CNTN5: variants seen among roughly 807,000 people sequenced by gnomAD.
CNTN5 encodes the protein contactin 5.
In CNTN5, 77 loss-of-function variants were observed where a neutral mutation model predicts 129.1. The observed-to-expected ratio is 0.60, with a 90% CI of 0.50 to 0.72. CNTN5 has a LOEUF of 0.72. Among genes scored for constraint, CNTN5 ranks in the 30% least tolerant of loss-of-function variants. The pLI is 0.00. For missense variants in CNTN5, 1,478 were observed against 1,328.8 expected (o/e 1.11, Z -1.75); for synonymous variants, 509 against 465.6 (o/e 1.09, Z -1.20).
intron 1 of CNTN5, among the ~76,000 whole-genome samples, chr11:99,260,996 T>C (rs556254571): frequency 1.3e-5 from 2 of 152,082 alleles, no homozygotes; most frequent in South Asian, 4.1e-4. Context: ...TCAGTATTTA[T>C]AGATAAACTT....
chr11:99,784,592 C>G (rs1489685232), intron 3 of CNTN5, among the ~76,000 whole-genome samples: 1 of 151,962 alleles, frequency 6.6e-6, no homozygotes, highest in African/African-American at 2.4e-5. Context: ...TATACCCAGT[C>G]ATAGGATTGC....
chr11:99,978,734 T>G (rs1233556617), intron 8 of CNTN5, among the ~76,000 whole-genome samples: 3 of 152,210 alleles, frequency 2.0e-5, no homozygotes, highest in Non-Finnish European at 4.4e-5. Flanking sequence ...CGAAATTGCC[T>G]AATGTCGCAT....
intron 21 of CNTN5, chr11:100,337,144 A>C: frequency 1.4e-6 from 2 of 1,419,400 alleles, no homozygotes; most frequent in Non-Finnish European, 2.0e-6. Context: ...AGATGACATG[A>C]CAGCTGCACC....
intron 2 of CNTN5, among the ~76,000 whole-genome samples, chr11:99,435,834 G>T (rs1229798672): frequency 6.6e-6 from 1 of 152,142 alleles, no homozygotes; most frequent in Non-Finnish European, 1.5e-5. Context: ...CATATTTGTG[G>T]CATGGCCATG....
At chr11:99,347,706 C>G (rs1246544087) in intron 2 of CNTN5, among the ~76,000 whole-genome samples, 2 of 152,098 alleles carry the variant, frequency 1.3e-5, no homozygotes, top group African/African-American at 4.8e-5. Context: ...TTTTTGGTAA[C>G]TAAATGACAA....
At chr11:99,320,761 A>C (rs752788051) in intron 1 of CNTN5, among the ~76,000 whole-genome samples, 8 of 152,234 alleles carry the variant, frequency 5.3e-5, no homozygotes, top group Non-Finnish European at 1.0e-4. Context: ...AGGTTAAGAC[A>C]GTGTGATGGC....
intron 3 of CNTN5, among the ~76,000 whole-genome samples, chr11:99,561,515 A>G (rs562632140): frequency 1.6e-4 from 25 of 152,330 alleles, no homozygotes; most frequent in South Asian, 6.2e-4. Flanking sequence ...TTCGCTGTGC[A>G]TACTGACTTG....
At chr11:100,267,516 G>T (rs568485670) in intron 17 of CNTN5, among the ~76,000 whole-genome samples, 1 of 152,064 alleles carries the variant, frequency 6.6e-6, no homozygotes, top group African/African-American at 2.4e-5. Context: ...ATGCCTTACC[G>T]AGAAGGTATA....
intron 6 of CNTN5, among the ~76,000 whole-genome samples, chr11:99,886,659 A>G (rs1027392696): frequency 6.6e-6 from 1 of 152,200 alleles, no homozygotes; most frequent in African/African-American, 2.4e-5. Flanking sequence ...CAAAAATACT[A>G]GTAATGACGC....
intron 13 of CNTN5, among the ~76,000 whole-genome samples, chr11:100,078,848 C>T (rs981538317): frequency 6.6e-6 from 1 of 151,912 alleles, no homozygotes; most frequent in Non-Finnish European, 1.5e-5. Flanking sequence ...ATGATGGTAT[C>T]TGTATCAAGC....
chr11:99,903,483 T>C lies in CNTN5; in HGVS notation c.578-12571T>C, dbSNP rs1949412474. 2.0e-5 allele frequency among the ~76,000 whole-genome samples: 3 copies of C among 152,250 alleles called. No homozygotes were observed. The South Asian group carries it at 6.2e-4, about 32-fold the overall frequency. On this transcript the variant is annotated intron_variant, in intron 6 of 24. Coordinates refer to ENST00000524871, the MANE Select transcript of CNTN5 (RefSeq NM_014361.4). ...CAGGTTGAAAAGCATAATGTTATAC[T>C]CACAGTCAAACTGTCTTAAAAATCT...
At chr11:100,298,982 G>A (rs564199902) in intron 19 of CNTN5, among the ~76,000 whole-genome samples, 180 bp from the exon 20 acceptor site, 1 of 151,522 alleles carries the variant, frequency 6.6e-6, no homozygotes, top group East Asian at 1.9e-4. Flanking sequence ...TACCTTTAAA[G>A]CTTTTTAACT....
At chr11:100,258,622 G>A (rs1427361151) in intron 17 of CNTN5, among the ~76,000 whole-genome samples, 1 of 141,914 alleles carries the variant, frequency 7.0e-6, no homozygotes, top group Non-Finnish European at 1.6e-5. Flanking sequence ...GAAGAGAGTG[G>A]GGGCCAACAT....
At chr11:99,507,400 G>C (rs1180284513) in intron 2 of CNTN5, among the ~76,000 whole-genome samples, 5 of 138,980 alleles carry the variant, frequency 3.6e-5, no homozygotes, top group South Asian at 2.3e-4. Flanking sequence ...AAAAAAGAAA[G>C]GTTTTTCAAA....
intron 2 of CNTN5, among the ~76,000 whole-genome samples, chr11:99,348,141 C>T (rs1026978342): frequency 6.6e-6 from 1 of 152,104 alleles, no homozygotes; most frequent in African/African-American, 2.4e-5. Flanking sequence ...AGATCGAGAC[C>T]ATCCTGGCTA....
intron 3 of CNTN5, among the ~76,000 whole-genome samples, chr11:99,658,699 C>A (rs1426351274): frequency 8.5e-6 from 1 of 117,568 alleles, no homozygotes; most frequent in Admixed American, 8.4e-5. Context: ...TAGTGAAATT[C>A]TGTCTCTACT....
intron 3 of CNTN5, among the ~76,000 whole-genome samples, chr11:99,746,590 A>G (rs1412092484): frequency 6.6e-6 from 1 of 152,202 alleles, no homozygotes; most frequent in Admixed American, 6.5e-5. Flanking sequence ...TCACAGGAGC[A>G]GAGCCCTATT....
At chr11:99,411,097 TAATC>T (rs1406398690) in intron 2 of CNTN5, among the ~76,000 whole-genome samples, 1 of 152,250 alleles carries the variant, frequency 6.6e-6, no homozygotes, top group Non-Finnish European at 1.5e-5. Context: ...GAAATAAAGT[TAATC>T]AATAAATCTA....
At chr11:99,293,399 T>C (rs751498021) in intron 1 of CNTN5, among the ~76,000 whole-genome samples, 21 of 152,146 alleles carry the variant, frequency 1.4e-4, no homozygotes, top group Non-Finnish European at 2.5e-4. Flanking sequence ...TCTTTTTTTG[T>C]TGTGCCTTTG....
Sources: allele counts gnomAD v4.1 joint callset (sites outside exome capture counted in the v4.1 genomes callset), GRCh38; gene constraint gnomAD v4.1.1; transcripts MANE v1.5; gene names NCBI Gene and HGNC (gene_info 2026-07-23, HGNC 2026-07-21).